Variants in CDH19 observed in about 807,000 individuals in gnomAD.
CDH19 encodes cadherin 19.
A neutral mutation model predicts 64.2 loss-of-function variants in CDH19; 67 were observed. The ratio of observed to expected loss-of-function variants is 1.04; its 90% CI spans 0.86 to 1.28. The LOEUF is 1.28. Ranked by LOEUF, CDH19 falls within the 50% of genes most tolerant of loss-of-function variation. The probability of loss-of-function intolerance (pLI) is 0.00; values close to 1 mark genes in which losing one functional copy is unlikely to be tolerated. For synonymous variants in CDH19, 346 were observed against 319.3 expected (o/e 1.08, Z -0.89); for missense variants, 1,030 against 929.0 (o/e 1.11, Z -1.41).
At chr18:66,507,891 C>T (rs1391720032) in intron 11 of CDH19, among the ~76,000 whole-genome samples, 2 of 151,678 alleles carry the variant, frequency 1.3e-5, no homozygotes, top group African/African-American at 4.8e-5. Flanking sequence ...TATTCATCAC[C>T]TTAAATACTT....
chr18:66,522,925 A>C (rs575025067), intron 9 of CDH19, among the ~76,000 whole-genome samples: 143 of 151,844 alleles, frequency 9.4e-4, no homozygotes, highest in African/African-American at 3.4e-3. Context: ...AATTTAAAAA[A>C]CCCTCTGAAA....
At position 66,571,922 on chromosome 18, in the gene CDH19, T is replaced by C. The variant is rs547175697; in HGVS notation, c.195+88A>G. 4.9e-5 allele frequency: 46 copies of C among 933,924 alleles called. No homozygotes were observed. In the South Asian group the frequency reaches 8.1e-4, roughly 16 times the overall value. The allele number at this position is 933,924 out of a possible 1,614,324, so 57.9% of individuals were successfully genotyped here. On this transcript the variant is annotated intron_variant, in intron 2 of 11. Coordinates refer to ENST00000262150, the MANE Select transcript of CDH19 (RefSeq NM_021153.4). ...CTTTTCAATGGCTTCACTGTAAAAATGTGGAACTCATCAAATCTCCAAACT... is the reference window on the plus strand; with the variant it reads ...CTTTTCAATGGCTTCACTGTAAAAACGTGGAACTCATCAAATCTCCAAACT...
At chr18:66,573,392 A>G (rs1988166785) in intron 1 of CDH19, among the ~76,000 whole-genome samples, 1 of 151,588 alleles carries the variant, frequency 6.6e-6, no homozygotes, top group Non-Finnish European at 1.5e-5. Flanking sequence ...AAAACACCTA[A>G]TTAAGAAAGT....
At position 66,572,385 on chromosome 18, in the gene CDH19, C is replaced by G. The variant is rs1165161800; in HGVS notation, c.-112-69G>C. ...CATTTTCTCACATAATTACTAAAGACAGGTTACAACTTCTGCATCTGACAA... is the reference window on the plus strand; with the variant it reads ...CATTTTCTCACATAATTACTAAAGAGAGGTTACAACTTCTGCATCTGACAA... On this transcript the variant is annotated intron_variant, in intron 1 of 11. Transcript: ENST00000262150. 3 of 441,400 alleles carry G rather than the reference C, an allele frequency of 6.8e-6. No homozygotes were observed. The Admixed American group carries it at 1.1e-4, about 16-fold the overall frequency. 27.3% of individuals were successfully genotyped at this position (441,400 alleles called of 1,614,324 possible). A position where few individuals can be genotyped will look rare whatever the true frequency, so the allele number is the denominator to read the frequency against.
chr18:66,520,690 A>G (rs1985946218), intron 9 of CDH19, among the ~76,000 whole-genome samples: 1 of 152,088 alleles, frequency 6.6e-6, no homozygotes, highest in Non-Finnish European at 1.5e-5. Context: ...AATTTCATGG[A>G]CAACCTTATA....
At chr18:66,535,495 T>C (rs113312646) in intron 7 of CDH19, among the ~76,000 whole-genome samples, 13 of 151,190 alleles carry the variant, frequency 8.6e-5, no homozygotes, top group African/African-American at 2.9e-4. Context: ...AATGTTTTTG[T>C]TTGTTTAAAA....
intron 3 of CDH19, among the ~76,000 whole-genome samples, chr18:66,567,187 T>C (rs1987941869): frequency 6.6e-6 from 1 of 151,886 alleles, no homozygotes; most frequent in Non-Finnish European, 1.5e-5. Flanking sequence ...TCCTTTACAA[T>C]TTTATCTATA....
intron 1 of CDH19, among the ~76,000 whole-genome samples, chr18:66,575,740 G>A (rs1988247149): frequency 6.6e-6 from 1 of 151,764 alleles, no homozygotes; most frequent in African/African-American, 2.4e-5. Context: ...AATAATACTA[G>A]AAGGAAATCT....
At chr18:66,533,610 C>T (rs1370243574) in intron 8 of CDH19, among the ~76,000 whole-genome samples, 1 of 129,920 alleles carries the variant, frequency 7.7e-6, no homozygotes, top group African/African-American at 3.2e-5. Context: ...TAAAACTTCA[C>T]AGCTTCACCT....
chr18:66,523,915 G>T (rs1342386911), intron 9 of CDH19, among the ~76,000 whole-genome samples: 7 of 149,948 alleles, frequency 4.7e-5, no homozygotes, highest in Admixed American at 2.0e-4. Context: ...GGTGGGGGCG[G>T]GGGGGTTGGG....
intron 1 of CDH19, among the ~76,000 whole-genome samples, chr18:66,579,644 T>G (rs1252431463): frequency 6.6e-6 from 1 of 152,046 alleles, no homozygotes; most frequent in Non-Finnish European, 1.5e-5. Context: ...TTGCTCTAGA[T>G]TAAGAAAGAT....
At chr18:66,534,033 A>C (rs1462305001) in intron 8 of CDH19, among the ~76,000 whole-genome samples, 1 of 152,050 alleles carries the variant, frequency 6.6e-6, no homozygotes, top group Non-Finnish European at 1.5e-5. Flanking sequence ...TAGAGAAAGA[A>C]AAAAAATGAA....
chr18:66,575,755 C>A (rs113618318), intron 1 of CDH19, among the ~76,000 whole-genome samples: 6 of 151,624 alleles, frequency 4.0e-5, no homozygotes, highest in Admixed American at 1.3e-4. Flanking sequence ...AAATCTGGAT[C>A]TATGCAAAAA....
At chr18:66,523,212 G>T (rs1278042530) in intron 9 of CDH19, among the ~76,000 whole-genome samples, 2 of 152,094 alleles carry the variant, frequency 1.3e-5, no homozygotes, top group African/African-American at 2.4e-5. Context: ...GAAAGGCCTG[G>T]CTCGGTATCA....
At chr18:66,559,870 A>G (rs540533) in intron 3 of CDH19, among the ~76,000 whole-genome samples, 38,284 of 151,800 alleles carry the variant, frequency 0.25, 6,709 homozygotes, top group African/African-American at 0.49. Context: ...TTAGATGACT[A>G]CTTAAAAATA....
chr18:66,567,240 C>T (rs989069961), intron 3 of CDH19, among the ~76,000 whole-genome samples: 1 of 150,598 alleles, frequency 6.6e-6, no homozygotes, highest in Non-Finnish European at 1.5e-5. Flanking sequence ...ATAATATATG[C>T]AAGAAGAAGA....
chr18:66,555,844 T>C (rs1431449398), intron 3 of CDH19, among the ~76,000 whole-genome samples: 1 of 151,798 alleles, frequency 6.6e-6, no homozygotes, highest in East Asian at 1.9e-4. Context: ...TATCCCACAT[T>C]TCCTCATTAT....
chr18:66,596,905 A>G (rs1373694325), intron 1 of CDH19, among the ~76,000 whole-genome samples: 3 of 149,164 alleles, frequency 2.0e-5, no homozygotes, highest in African/African-American at 7.4e-5. Flanking sequence ...AAACGGTGAA[A>G]CCCCGTCTCT....
intron 10 of CDH19, among the ~76,000 whole-genome samples, chr18:66,510,516 AT>A (rs1181062377): frequency 6.8e-6 from 1 of 147,468 alleles, no homozygotes; most frequent in Non-Finnish European, 1.5e-5. Context: ...GTATTTTAAA[AT>A]ATAATTTTTA....
Sources: gnomAD v4.1 joint callset for allele counts (sites outside exome capture counted in the v4.1 genomes callset) on GRCh38, gnomAD v4.1.1 for gene constraint, MANE v1.5 for transcripts, NCBI Gene and HGNC (gene_info 2026-07-23, HGNC 2026-07-21) for gene names.